The following SARNP variants were observed in gnomAD, a reference collection of about 807,000 sequenced individuals.
The protein encoded by SARNP is SAP domain containing ribonucleoprotein.
In SARNP, 5 loss-of-function variants were observed where a neutral mutation model predicts 38.1. That is an observed-to-expected ratio of 0.13 (90% CI 0.07 to 0.28). The LOEUF (loss-of-function observed/expected upper bound fraction) is 0.28. Among genes scored for constraint, SARNP ranks in the 10% least tolerant of loss-of-function variants. SARNP has a pLI of 1.00. For missense variants in SARNP, 180 were observed against 243.9 expected (o/e 0.74, Z 1.75); for synonymous variants, 84 against 80.6 (o/e 1.04, Z -0.23).
At chr12:55,762,890 G>A (rs1411945862) in intron 9 of SARNP, among the ~76,000 whole-genome samples, 4 of 152,168 alleles carry the variant, frequency 2.6e-5, no homozygotes, top group Admixed American at 6.5e-5. Context: ...ACAGCAGGCA[G>A]GAGTACTGTC....
intron 8 of SARNP, 35 bp downstream of exon 8, chr12:55,790,532 T>G: frequency 6.4e-7 from 1 of 1,554,684 alleles, no homozygotes; most frequent in Non-Finnish European, 8.7e-7. Context: ...AGAATTAAGA[T>G]CTGGGTGTGT....
At chr12:55,761,234 T>C (rs1453484256) in intron 9 of SARNP, among the ~76,000 whole-genome samples, 2 of 151,858 alleles carry the variant, frequency 1.3e-5, no homozygotes, top group Middle Eastern at 3.4e-3. Flanking sequence ...CAAATTTCTA[T>C]GCTCAAGCAA....
chr12:55,788,354 C>T (rs983729273), intron 9 of SARNP, among the ~76,000 whole-genome samples: 1 of 151,982 alleles, frequency 6.6e-6, no homozygotes, highest in South Asian at 2.1e-4. Flanking sequence ...TCCACCAATC[C>T]TCCAAGTTTT....
At chr12:55,757,901 G>A (rs953647687) in intron 10 of SARNP, among the ~76,000 whole-genome samples, 5 of 152,174 alleles carry the variant, frequency 3.3e-5, no homozygotes, top group African/African-American at 1.2e-4. Context: ...CTCTTAACAG[G>A]CTGGGAAAAG....
intron 9 of SARNP, among the ~76,000 whole-genome samples, chr12:55,775,520 C>T (rs1355621140): frequency 1.5e-5 from 2 of 136,734 alleles, no homozygotes; most frequent in African/African-American, 5.6e-5. Context: ...TGGGATCGCG[C>T]TCTGTCTCAA....
At chr12:55,817,017 A>C (rs1454371558) in intron 1 of SARNP, among the ~76,000 whole-genome samples, 1 of 152,160 alleles carries the variant, frequency 6.6e-6, no homozygotes. Flanking sequence ...TGGCGGGCCG[A>C]GAGCCGCGTG....
chr12:55,790,079 A>G (rs1879620043), intron 8 of SARNP, among the ~76,000 whole-genome samples: 1 of 151,692 alleles, frequency 6.6e-6, no homozygotes, highest in Non-Finnish European at 1.5e-5. Flanking sequence ...ATTCGTTACC[A>G]TTTTTTAAAT....
chr12:55,787,038 G>A (rs1879516477), intron 9 of SARNP, among the ~76,000 whole-genome samples: 1 of 151,684 alleles, frequency 6.6e-6, no homozygotes, highest in South Asian at 2.1e-4. Flanking sequence ...GAGACCAGCT[G>A]GGCAACACAG....
chr12:55,769,639 C>A (rs1247360436), intron 9 of SARNP, among the ~76,000 whole-genome samples: 1 of 152,224 alleles, frequency 6.6e-6, no homozygotes, highest in African/African-American at 2.4e-5. Context: ...TTTGAACATA[C>A]AAATGGTCTC....
intron 9 of SARNP, among the ~76,000 whole-genome samples, chr12:55,765,524 T>A (rs77566924): frequency 6.6e-6 from 1 of 150,912 alleles, no homozygotes; most frequent in East Asian, 1.9e-4. Flanking sequence ...TTTTTTTTTT[T>A]AATAGAGACA....
chr12:55,789,637 GCTA>G (rs1879604892), intron 8 of SARNP, among the ~76,000 whole-genome samples: 1 of 152,014 alleles, frequency 6.6e-6, no homozygotes, highest in Non-Finnish European at 1.5e-5. Flanking sequence ...ACATGGACTT[GCTA>G]CTATTGTTAA....
At chr12:55,808,948 T>G (rs1880241042) in intron 1 of SARNP, among the ~76,000 whole-genome samples, 1 of 152,166 alleles carries the variant, frequency 6.6e-6, no homozygotes, top group African/African-American at 2.4e-5. Flanking sequence ...TTGAAATGTT[T>G]TGGCTCCAAC....
At chr12:55,790,949 C>T (rs775787433) in intron 7 of SARNP, among the ~76,000 whole-genome samples, 6 of 152,158 alleles carry the variant, frequency 3.9e-5, no homozygotes, top group Admixed American at 1.3e-4. Flanking sequence ...AAGAAAAACA[C>T]CCATCAACTG....
chr12:55,768,825 G>A (rs997850820), intron 9 of SARNP, among the ~76,000 whole-genome samples: 1 of 152,132 alleles, frequency 6.6e-6, no homozygotes, highest in South Asian at 2.1e-4. Flanking sequence ...CTGGGTTTAA[G>A]CGATTCTCCT....
rs779267956 is a variant in SARNP, at chr12:55,803,615, C to T, written c.136+14G>A. 1 of 1,545,618 alleles carries T rather than the reference C, an allele frequency of 6.5e-7. No homozygotes were observed. Among genetic ancestry groups the T allele is most frequent in the Non-Finnish European group, 8.9e-7 (1 of 1,128,060 alleles). On this transcript the variant is annotated intron_variant, in intron 2 of 10. Transcript: ENST00000336133. ...CCCCTCACTCACATCACTCCGCCTC[C>T]ACAAAGTACTCACCATGTTCTTCAA... is the stretch of plus-strand genomic sequence containing the variant.
At position 55,765,209 on chromosome 12, in the gene SARNP, T is replaced by C. The variant is rs539861303; in HGVS notation, c.502-4569A>G. Reference sequence around the variant, plus strand: ...AGACTTTTGAAACCCAGACATTATATAAGCACAAACCCTGAGGCCAAGCCC... The same window carrying C: ...AGACTTTTGAAACCCAGACATTATACAAGCACAAACCCTGAGGCCAAGCCC... On this transcript the variant is annotated intron_variant, in intron 9 of 10. Transcript: ENST00000336133. Among the ~76,000 whole-genome samples the C allele has an allele frequency of 2.0e-5, 3 of 152,336 alleles. No homozygotes were observed. In the East Asian group the frequency reaches 5.8e-4, roughly 29 times the overall value.
At chr12:55,798,650 T>C (rs1023431023) in intron 4 of SARNP, among the ~76,000 whole-genome samples, 2 of 152,112 alleles carry the variant, frequency 1.3e-5, no homozygotes, top group Admixed American at 6.5e-5. Context: ...AACTACATTT[T>C]TTTTTAATGA....
At chr12:55,815,178 C>A (rs1204506552) in intron 1 of SARNP, among the ~76,000 whole-genome samples, 1 of 152,188 alleles carries the variant, frequency 6.6e-6, no homozygotes, top group African/African-American at 2.4e-5. Context: ...CCACTTCAGC[C>A]TCCTGAGGAG....
At chr12:55,809,766 A>G (rs1880270669) in intron 1 of SARNP, among the ~76,000 whole-genome samples, 1 of 152,094 alleles carries the variant, frequency 6.6e-6, no homozygotes, top group African/African-American at 2.4e-5. Context: ...AAAAAAAGAA[A>G]AGAGTTATAG....
Sources: allele counts gnomAD v4.1 joint callset (sites outside exome capture counted in the v4.1 genomes callset), GRCh38; gene constraint gnomAD v4.1.1; transcripts MANE v1.5; gene names NCBI Gene and HGNC (gene_info 2026-07-23, HGNC 2026-07-21).